The following AGBL1 variants were observed in gnomAD, a reference collection of about 807,000 sequenced individuals.
AGBL1 encodes AGBL carboxypeptidase 1, also known as cytosolic carboxypeptidase 4.
A neutral mutation model predicts 118.9 loss-of-function variants in AGBL1; 130 were observed. The ratio of observed to expected loss-of-function variants is 1.09; its 90% CI spans 0.95 to 1.26. AGBL1 has a LOEUF of 1.26. AGBL1 is among the 50% of genes most tolerant of loss of function. The probability of loss-of-function intolerance (pLI) is 0.00; values close to 1 mark genes in which losing one functional copy is unlikely to be tolerated. For missense variants in AGBL1, 1,584 were observed against 1,298.1 expected (o/e 1.22, Z -3.38); for synonymous variants, 555 against 478.9 (o/e 1.16, Z -2.08).
At chr15:87,020,299 C>A (rs1234405355) in intron 24 of AGBL1, among the ~76,000 whole-genome samples, 1 of 152,134 alleles carries the variant, frequency 6.6e-6, no homozygotes, top group African/African-American at 2.4e-5. Flanking sequence ...TAAAATTCAA[C>A]ATCCTGTCAT....
At chr15:86,121,100 G>A (rs903113388) in intron 1 of AGBL1, among the ~76,000 whole-genome samples, 1 of 152,032 alleles carries the variant, frequency 6.6e-6, no homozygotes, top group Non-Finnish European at 1.5e-5. Flanking sequence ...ATTTCGCCAT[G>A]TTGGCCAGGC....
intron 22 of AGBL1, among the ~76,000 whole-genome samples, chr15:86,829,076 TG>T (rs1211166726): frequency 6.6e-6 from 1 of 151,918 alleles, no homozygotes; most frequent in Non-Finnish European, 1.5e-5. Flanking sequence ...ATTGATGTCC[TG>T]GTTATTACAT....
chr15:86,110,301 C>G (rs147034022), intron 1 of AGBL1, among the ~76,000 whole-genome samples: 98 of 152,286 alleles, frequency 6.4e-4, no homozygotes, highest in African/African-American at 2.2e-3. Context: ...CTATTGTTGA[C>G]TGGAAGCCTT....
rs1461581156 is a variant in AGBL1 at position 86,458,588 on chromosome 15, T to A, written c.2555+61042T>A. ...TAACACCATTTGTCACTGAGCAAGC[T>A]GAACTCTGCTTTCTAAATAGTCTGG... On this transcript the variant is annotated intron_variant, in intron 18 of 22. Coordinates refer to ENST00000614907, the MANE Select transcript of AGBL1 (RefSeq NM_001386094.1). Among the ~76,000 whole-genome samples, 4 of 152,326 alleles carry A rather than the reference T, an allele frequency of 2.6e-5. No homozygotes were observed. In the East Asian group the frequency reaches 7.7e-4, roughly 29 times the overall value.
chr15:86,390,901 C>G (rs779233496), intron 17 of AGBL1, among the ~76,000 whole-genome samples: 3 of 151,588 alleles, frequency 2.0e-5, no homozygotes, highest in Non-Finnish European at 4.4e-5. Context: ...AAATCCTGAC[C>G]TCAGGTGATC....
At chr15:86,965,714 G>A (rs545574415) in intron 23 of AGBL1, among the ~76,000 whole-genome samples, 1 of 152,218 alleles carries the variant, frequency 6.6e-6, no homozygotes, top group Non-Finnish European at 1.5e-5. Context: ...GGACATGGAT[G>A]AAGCTGGAAA....
intron 22 of AGBL1, among the ~76,000 whole-genome samples, chr15:86,846,837 T>A (rs1396854166): frequency 1.3e-5 from 2 of 152,196 alleles, no homozygotes; most frequent in African/African-American, 2.4e-5. Flanking sequence ...CAGCCAAATT[T>A]GGGTAATTTG....
intron 17 of AGBL1, among the ~76,000 whole-genome samples, chr15:86,322,758 A>G (rs1440723408): frequency 6.6e-6 from 1 of 152,200 alleles, no homozygotes; most frequent in Non-Finnish European, 1.5e-5. Flanking sequence ...TTACTTCATG[A>G]CTATCAAACT....
chr15:86,152,761 A>G (rs986199953), intron 3 of AGBL1, among the ~76,000 whole-genome samples: 10 of 152,206 alleles, frequency 6.6e-5, no homozygotes, highest in Non-Finnish European at 1.0e-4. Context: ...TTTGCAATCT[A>G]CCTATCTGAC....
At chr15:86,786,633 A>G (rs2078416553) in intron 22 of AGBL1, among the ~76,000 whole-genome samples, 1 of 152,150 alleles carries the variant, frequency 6.6e-6, no homozygotes, top group Non-Finnish European at 1.5e-5. Context: ...AGCTTTTACC[A>G]TTTTAAGGAC....
chr15:86,271,120 C>T (rs557155954), intron 14 of AGBL1, among the ~76,000 whole-genome samples: 11 of 137,156 alleles, frequency 8.0e-5, no homozygotes, highest in African/African-American at 1.7e-4. Context: ...GTGTGATCTC[C>T]GCTCACTGCA....
intron 22 of AGBL1, among the ~76,000 whole-genome samples, chr15:86,852,280 AACTC>A (rs1344109077): frequency 6.6e-6 from 1 of 152,106 alleles, no homozygotes; most frequent in Non-Finnish European, 1.5e-5. Context: ...GTCCTGTGAG[AACTC>A]ACTCACTATT....
intron 6 of AGBL1, among the ~76,000 whole-genome samples, chr15:86,229,138 G>C (rs574153002): frequency 6.6e-6 from 1 of 152,226 alleles, no homozygotes; most frequent in East Asian, 1.9e-4. Context: ...ACTTATTATT[G>C]CAGGAAATTT....
rs1464905009 is a variant in AGBL1, at chr15:86,397,403, T to A, written c.2412T>A (p.His804Gln). 9 of 1,612,560 alleles carry A rather than the reference T, an allele frequency of 5.6e-6. No individual in the cohort carries two copies. The highest frequency in any genetic ancestry group is 1.6e-4 in the Middle Eastern group (1 of 6,072). ...RPYQVITARV[H>Q]PGESNASWVM... ...ATCAGGTGATCACTGCTCGAGTTCATCCAGGAGAGAGCAATGCCAGTTGGG... is the reference window on the plus strand; with the variant it reads ...ATCAGGTGATCACTGCTCGAGTTCAACCAGGAGAGAGCAATGCCAGTTGGG... The change falls in exon 18 of 23, where the codon CAT becomes CAA. Residue 804 changes from histidine to glutamine, a missense_variant. Transcript: ENST00000614907.
chr15:86,257,889 T>A (rs1456939212), intron 8 of AGBL1, 75 bp from the exon 9 acceptor site: 2 of 1,435,700 alleles, frequency 1.4e-6, no homozygotes, highest in African/African-American at 2.8e-5. Context: ...AGAACCACTG[T>A]ATGGTGAAAA....
chr15:86,831,453 T>C (rs1473910911), intron 22 of AGBL1, among the ~76,000 whole-genome samples: 5 of 152,174 alleles, frequency 3.3e-5, no homozygotes, highest in African/African-American at 7.2e-5. Flanking sequence ...CTAGATACAA[T>C]GTGTGTACAG....
At chr15:87,017,400 C>G (rs936246353) in intron 24 of AGBL1, among the ~76,000 whole-genome samples, 5 of 152,182 alleles carry the variant, frequency 3.3e-5, no homozygotes, top group African/African-American at 1.2e-4. Flanking sequence ...CATGTCCGTA[C>G]TTCCCTGGGA....
At chr15:86,135,778 A>T (rs1567077288) in intron 1 of AGBL1, among the ~76,000 whole-genome samples, 3 of 152,304 alleles carry the variant, frequency 2.0e-5, no homozygotes, top group South Asian at 4.1e-4. Context: ...TGAGGGGTAG[A>T]GTCTAACTCC....
rs115013655 is a variant in AGBL1, at chr15:86,838,797, A to G, written c.3159-68290A>G. Among the ~76,000 whole-genome samples, 1,313 of 151,810 alleles carry G rather than the reference A, an allele frequency of 8.6e-3. 15 individuals carry two copies. Among genetic ancestry groups the G allele is most frequent in the African/African-American group, 0.031 (1,269 of 41,362 alleles). On this transcript the variant is annotated intron_variant, in intron 22 of 22. Coordinates refer to ENST00000614907, the MANE Select transcript of AGBL1 (RefSeq NM_001386094.1). ...CCTACAAAAAAAAATTTAAAAAAAT[A>G]GTTGGACATGGTGGTGCATGCCTGT...
Sources: allele counts gnomAD v4.1 joint callset (sites outside exome capture counted in the v4.1 genomes callset), GRCh38; gene constraint gnomAD v4.1.1; transcripts MANE v1.5; gene names NCBI Gene and HGNC (gene_info 2026-07-23, HGNC 2026-07-21).